The following LSAMP variants were observed in gnomAD, a reference collection of about 807,000 sequenced individuals.
LSAMP encodes the protein limbic system-associated membrane protein.
LSAMP carries 7 observed loss-of-function variants against 38.6 expected under a neutral mutation model. The ratio of observed to expected loss-of-function variants is 0.18; its 90% CI spans 0.10 to 0.34. LSAMP has a LOEUF of 0.34. Ranked by LOEUF, LSAMP falls within the 10% of genes least tolerant of loss-of-function variation. LSAMP has a pLI of 1.00. For synonymous variants in LSAMP, 154 were observed against 166.8 expected, an observed-to-expected ratio of 0.92 and a Z score of 0.59; for missense variants, 313 against 420.0, an observed-to-expected ratio of 0.75 and a Z score of 2.23.
chr3:116,264,641 G>A (rs138923055), intron 1 of LSAMP, among the ~76,000 whole-genome samples: 2,022 of 152,116 alleles, frequency 0.013, 37 homozygotes, highest in African/African-American at 0.044. Context: ...TTGCTCTGTC[G>A]CCCAGGCTAG....
intron 2 of LSAMP, among the ~76,000 whole-genome samples, chr3:116,053,915 CTT>C (rs541732171): frequency 4.0e-4 from 61 of 152,262 alleles, no homozygotes; most frequent in African/African-American, 1.4e-3. Context: ...ACATTTAACA[CTT>C]TGTTTTTAAA....
intron 1 of LSAMP, among the ~76,000 whole-genome samples, chr3:116,153,907 AT>A (rs1159523459): frequency 6.6e-6 from 1 of 152,080 alleles, no homozygotes; most frequent in East Asian, 1.9e-4. Flanking sequence ...GTTTTAGGGC[AT>A]CAAAACCAAC....
intron 1 of LSAMP, among the ~76,000 whole-genome samples, chr3:116,183,194 T>A (rs1710528903): frequency 6.6e-6 from 1 of 151,800 alleles, no homozygotes. Flanking sequence ...GATCTCCTTT[T>A]TAAGGAAACA....
At chr3:116,346,327 C>CTTTTTTTT (rs11391341) in intron 1 of LSAMP, among the ~76,000 whole-genome samples, 2 of 142,274 alleles carry the variant, frequency 1.4e-5, no homozygotes, top group Non-Finnish European at 3.0e-5. Context: ...TTAGTTTTAT[C>CTTTTTTTT]TTTTTTTTTT....
intron 1 of LSAMP, among the ~76,000 whole-genome samples, chr3:116,259,523 T>C (rs541726349): frequency 6.6e-6 from 1 of 152,122 alleles, no homozygotes; most frequent in East Asian, 1.9e-4. Context: ...TTATATGTGT[T>C]TGTGTCATAT....
At chr3:115,949,251 CCT>C (rs1938204129) in intron 3 of LSAMP, among the ~76,000 whole-genome samples, 1 of 152,012 alleles carries the variant, frequency 6.6e-6, no homozygotes, top group African/African-American at 2.4e-5. Flanking sequence ...AGAAAAAGAC[CCT>C]GTCTCTAAAT....
At chr3:115,889,721 T>G (rs1936548127) in intron 3 of LSAMP, among the ~76,000 whole-genome samples, 1 of 151,950 alleles carries the variant, frequency 6.6e-6, no homozygotes, top group Admixed American at 6.6e-5. Context: ...TCCTCTTTAC[T>G]ATATCTGAAT....
chr3:116,433,660 A>G (rs529102875), intron 1 of LSAMP, among the ~76,000 whole-genome samples: 1 of 152,318 alleles, frequency 6.6e-6, no homozygotes, highest in South Asian at 2.1e-4. Context: ...AAAAGAAACT[A>G]GAATGGATCG....
At chr3:115,942,950 T>A (rs906848963) in intron 3 of LSAMP, among the ~76,000 whole-genome samples, 2 of 152,174 alleles carry the variant, frequency 1.3e-5, no homozygotes, top group African/African-American at 4.8e-5. Context: ...TAGAGGGAGA[T>A]GAGCTAGGCT....
chr3:116,423,786 C>T lies in LSAMP; in HGVS notation c.155+21091G>A, dbSNP rs181682977. Among the ~76,000 whole-genome samples the T allele has an allele frequency of 3.5e-3, 537 of 152,166 alleles. 3 individuals carry two copies. The highest frequency in any genetic ancestry group is 7.9e-3 in the South Asian group (38 of 4,814). On this transcript the variant is annotated intron_variant, in intron 1 of 6. Transcript: ENST00000490035. ...AGAGACCATCTTAATGTTCTCACTG[C>T]GTTTTCCTCCTGTGATGTCTCCTAT...
At chr3:116,121,489 G>A (rs1017571943) in intron 1 of LSAMP, among the ~76,000 whole-genome samples, 4 of 152,170 alleles carry the variant, frequency 2.6e-5, no homozygotes, top group Non-Finnish European at 4.4e-5. Flanking sequence ...TACTGGCAAT[G>A]TTGGTTTGGG....
At chr3:116,166,231 C>T (rs996715180) in intron 1 of LSAMP, among the ~76,000 whole-genome samples, 43 of 152,238 alleles carry the variant, frequency 2.8e-4, no homozygotes, top group African/African-American at 9.6e-4. Context: ...CTCCTCACAA[C>T]TGCTCTCTCT....
At chr3:116,420,010 C>A (rs2049100626) in intron 1 of LSAMP, among the ~76,000 whole-genome samples, 1 of 152,150 alleles carries the variant, frequency 6.6e-6, no homozygotes, top group African/African-American at 2.4e-5. Context: ...GCAGATATAT[C>A]ATTTCCTTCC....
At chr3:116,011,013 C>CTTTTTTTTTTTTTTTTTTT (rs1169726977) in intron 3 of LSAMP, among the ~76,000 whole-genome samples, 1 of 150,482 alleles carries the variant, frequency 6.6e-6, no homozygotes, top group Admixed American at 6.6e-5. Context: ...ATAGTTTATG[C>CTTTTTTTTTTTTTTTTTTT]TTTTTTTTGA....
chr3:116,291,435 C>T (rs1049689102), intron 1 of LSAMP, among the ~76,000 whole-genome samples: 1 of 152,164 alleles, frequency 6.6e-6, no homozygotes, highest in African/African-American at 2.4e-5. Context: ...GCTTAACCTC[C>T]GTGGGTTTCG....
intron 1 of LSAMP, among the ~76,000 whole-genome samples, chr3:116,166,595 T>A (rs1023417262): frequency 3.9e-5 from 6 of 152,136 alleles, no homozygotes; most frequent in Non-Finnish European, 8.8e-5. Context: ...CATGTATATA[T>A]GTACATATAT....
At chr3:116,026,865 T>TTTCA (rs1159063540) in intron 2 of LSAMP, among the ~76,000 whole-genome samples, 1 of 152,132 alleles carries the variant, frequency 6.6e-6, no homozygotes, top group Admixed American at 6.6e-5. Flanking sequence ...CAAGCATAGT[T>TTTCA]TTGAAAAGTG....
At chr3:116,133,258 T>TG (rs1709174804) in intron 1 of LSAMP, among the ~76,000 whole-genome samples, 2 of 152,054 alleles carry the variant, frequency 1.3e-5, no homozygotes, top group East Asian at 1.9e-4. Context: ...TTCCTTTTTT[T>TG]TTTGTTGTTG....
chr3:116,019,801 A>G (rs1167876586), intron 2 of LSAMP, among the ~76,000 whole-genome samples, 161 bp from the exon 3 acceptor site: 1 of 152,210 alleles, frequency 6.6e-6, no homozygotes, highest in African/African-American at 2.4e-5. Flanking sequence ...TCTGCTTACC[A>G]AATCCATAAG....
Sources: gnomAD v4.1 joint callset for allele counts (sites outside exome capture counted in the v4.1 genomes callset) on GRCh38, gnomAD v4.1.1 for gene constraint, MANE v1.5 for transcripts, NCBI Gene and HGNC (gene_info 2026-07-23, HGNC 2026-07-21) for gene names.